Variants in STARD8 observed in about 807,000 individuals in gnomAD.
The protein encoded by STARD8 is StAR related lipid transfer domain containing 8, also known as stAR-related lipid transfer protein 8.
Under a neutral mutation model 69.4 loss-of-function variants are expected in STARD8, and 25 were observed. The observed-to-expected ratio is 0.36, with a 90% CI of 0.26 to 0.50. The LOEUF (loss-of-function observed/expected upper bound fraction) is 0.50. STARD8 is among the 20% of genes least tolerant of loss of function. STARD8 has a pLI of 0.96. For missense variants in STARD8, 921 were observed against 932.5 expected, an observed-to-expected ratio of 0.99 and a Z score of 0.16; for synonymous variants, 389 against 374.6, an observed-to-expected ratio of 1.04 and a Z score of -0.45.
chrX:68,722,747 G>A (rs1043942618), intron 12 of STARD8, 101 bp downstream of exon 12: 51 of 824,428 alleles, frequency 6.2e-5, no homozygotes, highest in East Asian at 1.4e-4. Flanking sequence ...AGGAGCTGCC[G>A]CCTGAGTCTC....
At chrX:68,668,562 C>T (rs2079708506) in intron 2 of STARD8, among the ~76,000 whole-genome samples, 1 of 110,737 alleles carries the variant, frequency 9.0e-6, no homozygotes, top group African/African-American at 3.3e-5. Flanking sequence ...TCTAGTGGTC[C>T]CACTGACAGA....
chrX:68,695,501 C>A, intron 2 of STARD8, among the ~76,000 whole-genome samples: 1 of 111,515 alleles, frequency 9.0e-6, no homozygotes, highest in Non-Finnish European at 1.9e-5. Context: ...TATGCTAAAC[C>A]TCTCTGTGCA....
intron 2 of STARD8, among the ~76,000 whole-genome samples, chrX:68,680,038 G>A (rs906202166): frequency 1.8e-5 from 2 of 111,942 alleles, no homozygotes; most frequent in African/African-American, 3.3e-5. Context: ...ACTGTGCGTC[G>A]CCAACTTTTG....
At chrX:68,662,094 G>A (rs1305693599) in intron 1 of STARD8, among the ~76,000 whole-genome samples, 5 of 108,174 alleles carry the variant, frequency 4.6e-5, no homozygotes, top group African/African-American at 6.8e-5. Flanking sequence ...TGCAACCTCC[G>A]CCTCCCAGGT....
intron 1 of STARD8, among the ~76,000 whole-genome samples, chrX:68,656,772 A>G (rs1300524045): frequency 9.0e-6 from 1 of 110,608 alleles, no homozygotes; most frequent in Non-Finnish European, 1.9e-5. Context: ...AAAACCAAAC[A>G]CCGCATGTTC....
chrX:68,722,869 G>A (rs2080163858), intron 12 of STARD8, among the ~76,000 whole-genome samples: 1 of 112,616 alleles, frequency 8.9e-6, no homozygotes, highest in Non-Finnish European at 1.9e-5. Flanking sequence ...CTGCCAGAAT[G>A]ACCTTCCAAA....
In STARD8 at chrX:68,717,958, G is replaced by A. The variant is rs769635074; in HGVS notation, c.1044G>A (p.Thr348=). 10 of 1,208,318 alleles carry A rather than the reference G, an allele frequency of 8.3e-6. No individual in the cohort carries two copies. Among genetic ancestry groups the A allele is most frequent in the East Asian group, 3.0e-5 (1 of 33,658 alleles). ...GGCGCCGGGGCTCCTGTGGCTCAAC[G>A]GGCAGCCATGCCAGCACGTATGACA... ...CEGRRGSCGS[T]GSHASTYDNL... Residue 348 remains threonine, a synonymous_variant, in exon 6 of 15, where the codon ACG becomes ACA. Coordinates refer to ENST00000374599, the MANE Select transcript of STARD8 (RefSeq NM_001142503.3).
At chrX:68,680,190 C>G (rs181940034) in intron 2 of STARD8, among the ~76,000 whole-genome samples, 1 of 111,756 alleles carries the variant, frequency 8.9e-6, no homozygotes, top group Non-Finnish European at 1.9e-5. Context: ...ACTCAGGCTC[C>G]GTGCAAGCCT....
chrX:68,710,263 A>G (rs944181056), intron 2 of STARD8, among the ~76,000 whole-genome samples: 1 of 112,581 alleles, frequency 8.9e-6, no homozygotes, highest in Admixed American at 9.4e-5. Context: ...CCGCAGATCA[A>G]TTAAGCCAGC....
intron 2 of STARD8, among the ~76,000 whole-genome samples, chrX:68,683,556 G>A (rs925293486): frequency 2.7e-5 from 3 of 111,742 alleles, no homozygotes; most frequent in East Asian, 2.8e-4. Flanking sequence ...GTATTAGACC[G>A]GTATGTCTCC....
At chrX:68,704,656 C>T (rs1456668599) in intron 2 of STARD8, among the ~76,000 whole-genome samples, 1 of 111,392 alleles carries the variant, frequency 9.0e-6, no homozygotes. Context: ...AGGCAGTGGG[C>T]GTATTGGGAG....
intron 1 of STARD8, chrX:68,656,227 C>A: frequency 8.9e-6 from 1 of 112,323 alleles, no homozygotes; most frequent in East Asian, 2.8e-4. Context: ...CAAAAGAAGA[C>A]ATTTATGCCG....
chrX:68,687,733 G>A (rs958866209), intron 2 of STARD8, among the ~76,000 whole-genome samples: 17 of 112,201 alleles, frequency 1.5e-4, no homozygotes, highest in Admixed American at 6.6e-4. Flanking sequence ...GCCTGGCCCT[G>A]ACCCAGGAGC....
intron 2 of STARD8, among the ~76,000 whole-genome samples, chrX:68,697,712 C>G (rs1024845887): frequency 8.9e-6 from 1 of 112,582 alleles, no homozygotes; most frequent in Non-Finnish European, 1.9e-5. Context: ...CTCACTGTCT[C>G]TCTTTTCCCT....
chrX:68,700,163 T>TA (rs760864930), intron 2 of STARD8, among the ~76,000 whole-genome samples: 1 of 111,840 alleles, frequency 8.9e-6, no homozygotes, highest in South Asian at 3.7e-4. Flanking sequence ...CAGTGAGAAA[T>TA]ACCAACGTAG....
At chrX:68,698,577 G>T (rs2079940824) in intron 2 of STARD8, among the ~76,000 whole-genome samples, 1 of 103,602 alleles carries the variant, frequency 9.7e-6, no homozygotes. Flanking sequence ...ACTTGGTAAG[G>T]GTCGGGCCAG....
rs754817210 is a variant in STARD8, at chrX:68,720,356, C to G, written c.1982C>G (p.Thr661Arg). The G allele has an allele frequency of 1.7e-6, 2 of 1,198,452 alleles. No homozygotes were observed. Among genetic ancestry groups the G allele is most frequent in the Non-Finnish European group, 2.2e-6 (2 of 889,107 alleles). ...CCACCCCTCATCCACGTGCAGCGCACGGGCCAGCCACTGCCACAGAGCATT... is the reference window on the plus strand; with the variant it reads ...CCACCCCTCATCCACGTGCAGCGCAGGGGCCAGCCACTGCCACAGAGCATT... ...GVPPLIHVQR[T>R]GQPLPQSIQQ... The change falls in exon 8 of 15, where the codon ACG becomes AGG. Residue 661 changes from threonine to arginine, a missense_variant. Coordinates refer to ENST00000374599, the MANE Select transcript of STARD8 (RefSeq NM_001142503.3).
At chrX:68,672,343 A>G (rs1334047970) in intron 2 of STARD8, among the ~76,000 whole-genome samples, 1 of 111,971 alleles carries the variant, frequency 8.9e-6, no homozygotes, top group Admixed American at 9.5e-5. Flanking sequence ...AATGAAGCCC[A>G]GAGAAACTAA....
chrX:68,719,359 T>A lies in STARD8; in HGVS notation c.1850T>A (p.Met617Lys). The A allele has an allele frequency of 8.3e-7, 1 of 1,202,393 alleles. No homozygotes were observed. Among genetic ancestry groups the A allele is most frequent in the Non-Finnish European group, 1.1e-6 (1 of 890,683 alleles). ...KGSLLRLTAF[M>K]EKYTVPHKQG... ...TCACTGCTGCGGCTTACCGCGTTCA[T>A]GGAGAAGTACACTGTGCCCCACAAG... Residue 617 changes from methionine to lysine, a missense_variant, in exon 7 of 15, where the codon ATG becomes AAG. Coordinates refer to ENST00000374599, the MANE Select transcript of STARD8 (RefSeq NM_001142503.3).
Sources: allele counts gnomAD v4.1 joint callset (sites outside exome capture counted in the v4.1 genomes callset), GRCh38; gene constraint gnomAD v4.1.1; transcripts MANE v1.5; gene names NCBI Gene and HGNC (gene_info 2026-07-23, HGNC 2026-07-21).